The following GLRA3 variants were observed in gnomAD, a reference collection of about 807,000 sequenced individuals.
GLRA3 encodes glycine receptor subunit alpha-3.
In GLRA3, 44 loss-of-function variants were observed where a neutral mutation model predicts 60.4. The observed-to-expected ratio is 0.73, with a 90% CI of 0.57 to 0.94. The LOEUF is 0.94. GLRA3 is among the 40% of genes least tolerant of loss of function. The pLI is 0.00. For synonymous variants in GLRA3, 223 were observed against 192.9 expected, an observed-to-expected ratio of 1.16 and a Z score of -1.29; for missense variants, 508 against 564.6, an observed-to-expected ratio of 0.90 and a Z score of 1.02.
intron 1 of GLRA3, among the ~76,000 whole-genome samples, chr4:174,792,687 T>TA (rs1438578748): frequency 2.6e-5 from 4 of 152,206 alleles, no homozygotes; most frequent in African/African-American, 4.8e-5. Context: ...CCTGTGAAGT[T>TA]AAAAAAATGA....
At chr4:174,799,158 A>G (rs972183752) in intron 1 of GLRA3, among the ~76,000 whole-genome samples, 2 of 152,348 alleles carry the variant, frequency 1.3e-5, no homozygotes, top group Admixed American at 1.3e-4. Context: ...GGATTAATAT[A>G]CATATCATTT....
chr4:174,817,575 A>G (rs986520654), intron 1 of GLRA3, among the ~76,000 whole-genome samples: 2 of 152,186 alleles, frequency 1.3e-5, no homozygotes, highest in Non-Finnish European at 2.9e-5. Context: ...TGAATTTTAG[A>G]AACAAAGATA....
chr4:174,749,166 T>C (rs565713385), intron 3 of GLRA3, among the ~76,000 whole-genome samples: 1 of 152,184 alleles, frequency 6.6e-6, no homozygotes, highest in African/African-American at 2.4e-5. Context: ...AGTGTGTTCC[T>C]GGAGCCAACT....
chr4:174,695,107 C>T (rs1474533479), intron 5 of GLRA3, among the ~76,000 whole-genome samples: 2 of 151,752 alleles, frequency 1.3e-5, no homozygotes, highest in Non-Finnish European at 2.9e-5. Flanking sequence ...AAAAAAAATG[C>T]CTGGGAGCTG....
intron 7 of GLRA3, among the ~76,000 whole-genome samples, chr4:174,673,095 G>A (rs1379972252): frequency 6.6e-6 from 1 of 152,012 alleles, no homozygotes; most frequent in Admixed American, 6.6e-5. Flanking sequence ...CAGTCTCTAT[G>A]AAACAGGATG....
At chr4:174,778,365 T>A (rs1054491972) in intron 2 of GLRA3, among the ~76,000 whole-genome samples, 1 of 152,154 alleles carries the variant, frequency 6.6e-6, no homozygotes. Flanking sequence ...TTTTTGCTTT[T>A]ACCATGTCTC....
intron 3 of GLRA3, among the ~76,000 whole-genome samples, chr4:174,733,246 G>A (rs556346020): frequency 4.3e-4 from 65 of 152,246 alleles, no homozygotes; most frequent in South Asian, 1.5e-3. Context: ...CCTCCAGAAG[G>A]AACACAGCCC....
intron 1 of GLRA3, among the ~76,000 whole-genome samples, chr4:174,795,997 A>T (rs78813734): frequency 0.015 from 2,257 of 152,244 alleles, 69 homozygotes; most frequent in African/African-American, 0.051. Context: ...TTTCTTTATG[A>T]CTTGCTATGG....
chr4:174,647,026 C>A (rs1439071638), intron 9 of GLRA3, among the ~76,000 whole-genome samples: 2 of 152,158 alleles, frequency 1.3e-5, no homozygotes, highest in Non-Finnish European at 2.9e-5. Context: ...ACAGGTTTAT[C>A]CCCTGTTGAA....
intron 1 of GLRA3, among the ~76,000 whole-genome samples, chr4:174,802,317 T>C (rs2111344688): frequency 6.6e-6 from 1 of 152,166 alleles, no homozygotes; most frequent in South Asian, 2.1e-4. Context: ...CTTACATTTG[T>C]CTCATCTACG....
chr4:174,755,189 G>GA (rs1443981105), intron 3 of GLRA3, among the ~76,000 whole-genome samples: 8 of 152,010 alleles, frequency 5.3e-5, no homozygotes, highest in South Asian at 2.1e-4. Context: ...TCTCTTTTTG[G>GA]AAAAAAATAG....
At chr4:174,811,591 G>A (rs895533801) in intron 1 of GLRA3, among the ~76,000 whole-genome samples, 1 of 152,056 alleles carries the variant, frequency 6.6e-6, no homozygotes, top group East Asian at 1.9e-4. Flanking sequence ...TCATTCACTG[G>A]TTTTCAATGT....
At chr4:174,797,216 C>A (rs926824687) in intron 1 of GLRA3, among the ~76,000 whole-genome samples, 4 of 152,156 alleles carry the variant, frequency 2.6e-5, no homozygotes, top group African/African-American at 9.7e-5. Context: ...AAAGCCATTT[C>A]TATTTTGTCT....
In GLRA3 at chr4:174,686,561, A is replaced by G. The variant is rs201116319; in HGVS notation, c.575-3622T>C. Among the ~76,000 whole-genome samples the G allele has an allele frequency of 4.6e-5, 7 of 152,340 alleles. No individual in the cohort carries two copies. In the East Asian group the frequency reaches 1.3e-3, roughly 29 times the overall value. ...AGTTACTTATTGAGTACCAACTGTA[A>G]GGAAGATGTCCTGCTAGGCTTCAGG... On this transcript the variant is annotated intron_variant, in intron 5 of 9. Transcript: ENST00000274093.
chr4:174,689,503 T>C (rs991155564), intron 5 of GLRA3, among the ~76,000 whole-genome samples: 1 of 151,966 alleles, frequency 6.6e-6, no homozygotes, highest in African/African-American at 2.4e-5. Flanking sequence ...AAGTCACGGC[T>C]TTTAGAGTAT....
intron 4 of GLRA3, among the ~76,000 whole-genome samples, chr4:174,726,240 G>A (rs180715410): frequency 1.3e-5 from 2 of 152,322 alleles, no homozygotes; most frequent in African/African-American, 4.8e-5. Context: ...GGCTTTCTAT[G>A]TGGTCTTCCT....
chr4:174,688,329 A>T (rs1239073098), intron 5 of GLRA3, among the ~76,000 whole-genome samples: 1 of 54,608 alleles, frequency 1.8e-5, no homozygotes, highest in Non-Finnish European at 4.0e-5. Context: ...ATATATATAT[A>T]TATATATATA....
intron 3 of GLRA3, among the ~76,000 whole-genome samples, chr4:174,742,094 C>T (rs1233182565): frequency 1.3e-5 from 2 of 152,028 alleles, no homozygotes; most frequent in African/African-American, 4.8e-5. Context: ...TATATCACAG[C>T]AATTTTGTTG....
intron 3 of GLRA3, among the ~76,000 whole-genome samples, chr4:174,759,587 G>A (rs1023673748): frequency 6.6e-6 from 1 of 152,038 alleles, no homozygotes; most frequent in African/African-American, 2.4e-5. Context: ...TTTATGAAAA[G>A]CCAATTCCCA....
Sources: allele counts gnomAD v4.1 joint callset (sites outside exome capture counted in the v4.1 genomes callset), GRCh38; gene constraint gnomAD v4.1.1; transcripts MANE v1.5; gene names NCBI Gene and HGNC (gene_info 2026-07-23, HGNC 2026-07-21).